The following SYNPR variants were observed in gnomAD, a reference collection of about 807,000 sequenced individuals.
The protein encoded by SYNPR is synaptoporin.
A neutral mutation model predicts 32.9 loss-of-function variants in SYNPR; 23 were observed. The observed-to-expected ratio is 0.70, with a 90% CI of 0.50 to 0.99. The LOEUF (loss-of-function observed/expected upper bound fraction) is 0.99. Ranked by LOEUF, SYNPR falls within the 50% of genes least tolerant of loss-of-function variation. The probability of loss-of-function intolerance (pLI) is 0.00; values close to 1 mark genes in which losing one functional copy is unlikely to be tolerated. For synonymous variants in SYNPR, 146 were observed against 135.9 expected, an observed-to-expected ratio of 1.07 and a Z score of -0.52; for missense variants, 318 against 349.3, an observed-to-expected ratio of 0.91 and a Z score of 0.71.
intron 2 of SYNPR, among the ~76,000 whole-genome samples, chr3:63,286,332 T>A (rs1051637986): frequency 6.6e-6 from 1 of 152,204 alleles, no homozygotes; most frequent in African/African-American, 2.4e-5. Context: ...CTTTCTCAAA[T>A]AACAATCCAT....
At chr3:63,228,532 G>T (rs1265928089) in intron 1 of SYNPR, among the ~76,000 whole-genome samples, 2 of 152,038 alleles carry the variant, frequency 1.3e-5, no homozygotes, top group Non-Finnish European at 1.5e-5. Flanking sequence ...TCTGGGTATT[G>T]TATTTGTTTC....
intron 4 of SYNPR, among the ~76,000 whole-genome samples, chr3:63,587,280 C>T (rs1246249697): frequency 2.0e-5 from 3 of 152,086 alleles, no homozygotes; most frequent in Non-Finnish European, 4.4e-5. Context: ...CCATGCTTAA[C>T]ATTTGTATTT....
chr3:63,575,743 T>C (rs1702967161), intron 4 of SYNPR, among the ~76,000 whole-genome samples: 1 of 152,178 alleles, frequency 6.6e-6, no homozygotes, highest in Admixed American at 6.6e-5. Context: ...GAGCATACTT[T>C]GTTAGGGGTC....
intron 2 of SYNPR, among the ~76,000 whole-genome samples, chr3:63,464,485 T>C (rs1379432953): frequency 6.6e-6 from 1 of 152,182 alleles, no homozygotes; most frequent in East Asian, 1.9e-4. Context: ...CTTCCTCAAA[T>C]ACCTAATCTT....
chr3:63,481,449 ATATGTGTG>A (rs1701046329), intron 3 of SYNPR, among the ~76,000 whole-genome samples: 2 of 147,940 alleles, frequency 1.4e-5, no homozygotes, highest in African/African-American at 5.1e-5. Context: ...ATATATATAT[ATATGTGTG>A]TGTGTGTGTG....
rs561831314 is a variant in SYNPR, at chr3:63,332,282, C to G, written c.84+53540C>G. 3.0e-4 allele frequency among the ~76,000 whole-genome samples: 46 copies of G among 152,302 alleles called. 1 individual carries two copies. The Middle Eastern group carries it at 0.01, about 34-fold the overall frequency. On this transcript the variant is annotated intron_variant, in intron 2 of 5. Coordinates refer to ENST00000478300, the MANE Select transcript of SYNPR (RefSeq NM_001130003.2). ...GTGTTCAGATCCAACCTCCCTTGCA[C>G]AGGAAAGTGTTCCCTGACTGTGCTC...
intron 2 of SYNPR, among the ~76,000 whole-genome samples, chr3:63,279,071 C>T (rs1261012383): frequency 6.6e-6 from 1 of 152,118 alleles, no homozygotes; most frequent in African/African-American, 2.4e-5. Flanking sequence ...GAAGGGCTGC[C>T]GCTGGGTTCT....
At chr3:63,490,399 A>G (rs1701236851) in intron 3 of SYNPR, among the ~76,000 whole-genome samples, 1 of 152,114 alleles carries the variant, frequency 6.6e-6, no homozygotes, top group African/African-American at 2.4e-5. Context: ...AAGGAGCCAT[A>G]CAATTTGTTT....
intron 3 of SYNPR, among the ~76,000 whole-genome samples, chr3:63,526,715 G>T (rs2106782173): frequency 6.6e-6 from 1 of 152,308 alleles, no homozygotes; most frequent in Non-Finnish European, 1.5e-5. Context: ...TCACTCATGG[G>T]AATGATAAGT....
At chr3:63,521,868 A>G (rs2221476) in intron 3 of SYNPR, among the ~76,000 whole-genome samples, 32,512 of 152,104 alleles carry the variant, frequency 0.21, 3,605 homozygotes, top group Admixed American at 0.31. Flanking sequence ...GAGGGCTGGC[A>G]TTGGCCATAG....
At chr3:63,394,005 T>A (rs1220961781) in intron 2 of SYNPR, among the ~76,000 whole-genome samples, 3 of 152,224 alleles carry the variant, frequency 2.0e-5, no homozygotes, top group East Asian at 3.8e-4. Flanking sequence ...AAATATTTTA[T>A]AAGCAGATAT....
chr3:63,251,905 T>C (rs2086335086), intron 1 of SYNPR, among the ~76,000 whole-genome samples: 2 of 151,934 alleles, frequency 1.3e-5, no homozygotes, highest in Admixed American at 1.3e-4. Context: ...CTCAGGAGAA[T>C]AGAATCCTAA....
intron 3 of SYNPR, among the ~76,000 whole-genome samples, chr3:63,548,432 G>T (rs1441902963): frequency 6.6e-6 from 1 of 152,040 alleles, no homozygotes; most frequent in East Asian, 1.9e-4. Context: ...TAAATTTTCA[G>T]GATTTTGTAG....
At chr3:63,535,060 C>G (rs1041476153) in intron 3 of SYNPR, among the ~76,000 whole-genome samples, 41 of 152,162 alleles carry the variant, frequency 2.7e-4, no homozygotes, top group African/African-American at 8.9e-4. Context: ...AACTAGGGAT[C>G]AAACAAATTA....
chr3:63,468,286 A>G (rs1023585036), intron 2 of SYNPR, among the ~76,000 whole-genome samples: 3 of 152,004 alleles, frequency 2.0e-5, no homozygotes, highest in Non-Finnish European at 4.4e-5. Flanking sequence ...ACTTGCCAGT[A>G]TGGTGTTCAA....
At chr3:63,349,817 T>G (rs1178408015) in intron 2 of SYNPR, among the ~76,000 whole-genome samples, 2 of 152,224 alleles carry the variant, frequency 1.3e-5, no homozygotes, top group Admixed American at 6.5e-5. Flanking sequence ...CTGTACCTAG[T>G]CTGAGTACCA....
upstream of SYNPR, among the ~76,000 whole-genome samples, chr3:63,224,769 G>C (rs2086116496): frequency 6.6e-6 from 1 of 152,180 alleles, no homozygotes; most frequent in Non-Finnish European, 1.5e-5. Context: ...GCATGAACCA[G>C]GTGTCTGAGA....
In SYNPR at chr3:63,443,484, A is replaced by G. The variant is rs1436770301; in HGVS notation, c.85-37348A>G. 6 of 1,604,338 alleles carry G rather than the reference A, an allele frequency of 3.7e-6. No individual in the cohort carries two copies. In the Middle Eastern group the frequency reaches 6.6e-4, roughly 176 times the overall value. On this transcript the variant is annotated intron_variant, in intron 2 of 5. Transcript: ENST00000478300. ...TATTTGCTCCGGTAAGTTTACAGCTATCTTGATTTACAGCTGGCTGTGGGG... is the reference window on the plus strand; with the variant it reads ...TATTTGCTCCGGTAAGTTTACAGCTGTCTTGATTTACAGCTGGCTGTGGGG...
chr3:63,310,556 G>A (rs568210555), intron 2 of SYNPR, among the ~76,000 whole-genome samples: 25 of 152,086 alleles, frequency 1.6e-4, no homozygotes, highest in Admixed American at 1.0e-3. Context: ...TCTTGCTGAT[G>A]TTGTCAAGAT....
Sources: gnomAD v4.1 joint callset for allele counts (sites outside exome capture counted in the v4.1 genomes callset) on GRCh38, gnomAD v4.1.1 for gene constraint, MANE v1.5 for transcripts, NCBI Gene and HGNC (gene_info 2026-07-23, HGNC 2026-07-21) for gene names.